TCOF1: variants seen among roughly 807,000 people sequenced by gnomAD.
TCOF1 encodes the protein treacle ribosome biogenesis factor 1.
Under a neutral mutation model 149.0 loss-of-function variants are expected in TCOF1, and 33 were observed. The ratio of observed to expected loss-of-function variants is 0.22; its 90% CI spans 0.17 to 0.30. The LOEUF is 0.30. Ranked by LOEUF, TCOF1 falls within the 10% of genes least tolerant of loss-of-function variation. The pLI is 1.00. For synonymous variants in TCOF1, 789 were observed against 738.8 expected (o/e 1.07, Z -1.10); for missense variants, 1,728 against 1,840.7 (o/e 0.94, Z 1.12).
intron 1 of TCOF1, 65 bp downstream of exon 1, chr5:150,357,919 CGCGCCCCGTCCCCAG>C: frequency 6.6e-7 from 1 of 1,510,966 alleles, no homozygotes; most frequent in Non-Finnish European, 8.9e-7. Context: ...GCCCGCGGCC[CGCGCCCCGTCCCCAG>C]GCGACCCGGC....
At chr5:150,370,127 T>C (rs985633211) in intron 6 of TCOF1, among the ~76,000 whole-genome samples, 2 of 152,124 alleles carry the variant, frequency 1.3e-5, no homozygotes, top group African/African-American at 4.8e-5. Context: ...TACTTTTTAT[T>C]GTGTACCTAC....
rs894717952 is a variant in TCOF1 at position 150,388,195 on chromosome 5, G to A, written c.3046+107G>A. The A allele has an allele frequency of 2.3e-5, 34 of 1,485,788 alleles. No homozygotes were observed. The East Asian group carries it at 4.1e-4, about 18-fold the overall frequency. 92.0% of individuals were successfully genotyped at this position (1,485,788 alleles called of 1,614,324 possible). ...TGAGTCACATAGCAAGGTGTTGGTC[G>A]GGAGGGGCTTGGGGTCAGGTCTCTG... is the stretch of plus-strand genomic sequence containing the variant. On this transcript the variant is annotated intron_variant, in intron 18 of 26. Coordinates refer to ENST00000643257, the MANE Select transcript of TCOF1 (RefSeq NM_001371623.1).
intron 17 of TCOF1, 52 bp from the exon 18 acceptor site, chr5:150,387,850 C>T: frequency 6.2e-7 from 1 of 1,612,260 alleles, no homozygotes; most frequent in African/African-American, 1.3e-5. Flanking sequence ...CACCTCCTTT[C>T]CCTGGCCAAG....
intron 14 of TCOF1, 75 bp downstream of exon 14, chr5:150,376,695 G>T (rs892856549): frequency 6.7e-7 from 1 of 1,481,858 alleles, no homozygotes; most frequent in Non-Finnish European, 9.2e-7. Flanking sequence ...GCTTGACTGG[G>T]GGCTAGTGTT....
chr5:150,365,697 T>C (rs1761185412), intron 3 of TCOF1, among the ~76,000 whole-genome samples: 1 of 152,108 alleles, frequency 6.6e-6, no homozygotes, highest in Admixed American at 6.5e-5. Flanking sequence ...ATTACATTTT[T>C]TTGTTTGTTT....
In TCOF1 at chr5:150,357,764, G is replaced by A; in HGVS notation, c.18G>A (p.Lys6=). The change falls in exon 1 of 27, where the codon AAG becomes AAA. Residue 6 remains lysine, a synonymous_variant. Coordinates refer to ENST00000643257, the MANE Select transcript of TCOF1 (RefSeq NM_001371623.1). The part of the protein sequence containing the change: MAEAR[K]RRELLPLIYH... ...TCGCGGGTATGGCCGAGGCCAGGAA[G>A]CGGCGGGAGCTACTTCCCCTGATCT... 1 of 1,549,472 alleles carries A rather than the reference G, an allele frequency of 6.5e-7. No individual in the cohort carries two copies. Among genetic ancestry groups the A allele is most frequent in the Non-Finnish European group, 8.7e-7 (1 of 1,146,542 alleles).
intron 23 of TCOF1, 43 bp from the exon 24 acceptor site, chr5:150,396,239 C>G: frequency 6.2e-7 from 1 of 1,607,198 alleles, no homozygotes; most frequent in Non-Finnish European, 8.5e-7. Context: ...AGATCTGTCC[C>G]CCAACTCTCC....
At position 150,391,979 on chromosome 5, in the gene TCOF1, T is replaced by C; in HGVS notation, c.3320T>C (p.Leu1107Pro). 6.2e-7 allele frequency: 1 copy of C among 1,614,182 alleles called. No individual in the cohort carries two copies. The highest frequency in any genetic ancestry group is 8.5e-7 in the Non-Finnish European group (1 of 1,180,036). The change falls in exon 21 of 27, where the codon CTC (leucine) becomes CCC (proline). Residue 1107 changes from leucine to proline, a missense_variant. This residue lies in a region of TCOF1 where 1,696 missense variants were observed against 1,765.4 expected (regional missense o/e 0.96). Transcript: ENST00000643257. Reference protein sequence around the residue: ...SSGVDSAVGTLPATSPQSTSV... With the variant: ...SSGVDSAVGTPPATSPQSTSV... The stretch of plus-strand genomic sequence containing the variant: ...TAGGTTGACAGTGCTGTGGGAACAC[T>C]CCCTGCAACAAGTCCCCAGAGCACC...
intron 7 of TCOF1, among the ~76,000 whole-genome samples, chr5:150,372,653 G>T (rs545045097): frequency 2.0e-5 from 3 of 152,332 alleles, no homozygotes; most frequent in South Asian, 2.1e-4. Context: ...GGCAAGACAG[G>T]GGGGCTGGAA....
At position 150,391,667 on chromosome 5, in the gene TCOF1, G is replaced by A; in HGVS notation, c.3297+10G>A. The A allele has an allele frequency of 1.2e-6, 2 of 1,610,996 alleles. No homozygotes were observed. The highest frequency in any genetic ancestry group is 3.3e-4 in the Middle Eastern group (2 of 5,996). On this transcript the variant is annotated intron_variant, in intron 20 of 26. Transcript: ENST00000643257. ...CCAGCCTTCAAGTGGGGTGAGCTTG[G>A]GGAGCCAGGGGAAGCAAGCCCACGG...
At chr5:150,370,674 TGA>T (rs1033389316) in intron 6 of TCOF1, among the ~76,000 whole-genome samples, 1 of 152,038 alleles carries the variant, frequency 6.6e-6, no homozygotes, top group African/African-American at 2.4e-5. Context: ...GATCTTTAAA[TGA>T]GAGGGAGAAA....
At chr5:150,363,974 A>G in intron 2 of TCOF1, 139 bp from the exon 3 acceptor site, 1 of 1,246,902 alleles carries the variant, frequency 8.0e-7, no homozygotes, top group Non-Finnish European at 1.2e-6. Flanking sequence ...AATTGTGCCT[A>G]TACTGTGTTT....
At chr5:150,358,762 G>C (rs866104564) in intron 1 of TCOF1, among the ~76,000 whole-genome samples, 1 of 152,120 alleles carries the variant, frequency 6.6e-6, no homozygotes, top group East Asian at 1.9e-4. Flanking sequence ...GCTTGAACCC[G>C]GGAGGCAGAG....
At chr5:150,394,649 G>T (rs1040406168) in intron 23 of TCOF1, 3 of 152,256 alleles carry the variant, frequency 2.0e-5, no homozygotes, top group African/African-American at 7.2e-5. Flanking sequence ...TGGCGCAGTG[G>T]CTCGTGCCTA....
At chr5:150,383,741 C>G in intron 17 of TCOF1, 1 of 1,551,890 alleles carries the variant, frequency 6.4e-7, no homozygotes, top group South Asian at 1.2e-5. Context: ...TGTTTAGGAC[C>G]AGGAGTCTTC....
intron 6 of TCOF1, among the ~76,000 whole-genome samples, chr5:150,370,826 C>T (rs533859332): frequency 4.2e-4 from 64 of 152,166 alleles, no homozygotes; most frequent in African/African-American, 1.4e-3. Context: ...TTTAAAAAAA[C>T]AAATAAATTA....
intron 23 of TCOF1, 148 bp from the exon 24 acceptor site, chr5:150,396,134 G>A: frequency 1.1e-6 from 1 of 873,248 alleles, no homozygotes; most frequent in South Asian, 1.4e-5. Flanking sequence ...GACCAGCTGG[G>A]GCAGAGTGAC....
chr5:150,376,402 C>T (rs755429921), intron 13 of TCOF1, 21 bp from the exon 14 acceptor site: 2 of 1,614,218 alleles, frequency 1.2e-6, no homozygotes, highest in South Asian at 1.1e-5. Context: ...GGAGACACCT[C>T]TCTTCCCCTT....
At chr5:150,365,257 T>C (rs72805935) in intron 3 of TCOF1, among the ~76,000 whole-genome samples, 5,421 of 140,630 alleles carry the variant, frequency 0.039, 160 homozygotes, top group East Asian at 0.11. Context: ...TTCTTTCTTT[T>C]TTTTTTTTTT....
Sources: gnomAD v4.1 joint callset for allele counts (sites outside exome capture counted in the v4.1 genomes callset) on GRCh38, gnomAD v4.1.1 for gene constraint, gnomAD v4.1.1 regional missense constraint, MANE v1.5 for transcripts, NCBI Gene and HGNC (gene_info 2026-07-23, HGNC 2026-07-21) for gene names.